STXBP4: variants seen among roughly 807,000 people sequenced by gnomAD.
STXBP4 encodes syntaxin-binding protein 4.
Under a neutral mutation model 76.1 loss-of-function variants are expected in STXBP4, and 55 were observed. That is an observed-to-expected ratio of 0.72 (90% CI 0.58 to 0.91). The LOEUF is 0.91. STXBP4 is among the 40% of genes least tolerant of loss of function. The pLI is 0.00. For missense variants in STXBP4, 618 were observed against 636.9 expected (o/e 0.97, Z 0.32); for synonymous variants, 201 against 220.2 (o/e 0.91, Z 0.77).
At chr17:55,125,079 C>T (rs748029292) in intron 16 of STXBP4, among the ~76,000 whole-genome samples, 1 of 152,170 alleles carries the variant, frequency 6.6e-6, no homozygotes, top group Non-Finnish European at 1.5e-5. Flanking sequence ...CAGAAACATT[C>T]AGTTTATACC....
At chr17:55,135,783 A>G (rs2080022066) in intron 16 of STXBP4, among the ~76,000 whole-genome samples, 1 of 152,170 alleles carries the variant, frequency 6.6e-6, no homozygotes, top group Admixed American at 6.6e-5. Flanking sequence ...TTAAATAATA[A>G]TGCACAAATA....
At chr17:55,034,363 C>T (rs1273168719) in intron 10 of STXBP4, 104 bp downstream of exon 10, 1 of 648,802 alleles carries the variant, frequency 1.5e-6, no homozygotes, top group Non-Finnish European at 2.4e-6. Context: ...AGAAATAATA[C>T]ATGTTTCTTG....
At chr17:54,980,079 T>C (rs2077527796) in intron 1 of STXBP4, among the ~76,000 whole-genome samples, 1 of 152,196 alleles carries the variant, frequency 6.6e-6, no homozygotes. Context: ...ACCAATATAT[T>C]ACAATTACAT....
At chr17:54,969,225 G>A (rs1021582700) in intron 1 of STXBP4, among the ~76,000 whole-genome samples, 1 of 152,212 alleles carries the variant, frequency 6.6e-6, no homozygotes, top group Non-Finnish European at 1.5e-5. Context: ...GGAGCAGGAG[G>A]GAGGCTGTCA....
intron 8 of STXBP4, among the ~76,000 whole-genome samples, chr17:55,022,157 A>G (rs1359668924): frequency 6.6e-6 from 1 of 151,970 alleles, no homozygotes; most frequent in Non-Finnish European, 1.5e-5. Flanking sequence ...TAAAATCCTG[A>G]AAGCTTTATA....
At chr17:55,053,997 CT>C (rs1053130815) in intron 12 of STXBP4, among the ~76,000 whole-genome samples, 3 of 151,902 alleles carry the variant, frequency 2.0e-5, no homozygotes, top group Admixed American at 1.3e-4. Context: ...CAGTTTTTTT[CT>C]TTTTCTAGCA....
rs545353102 is a variant in STXBP4, at chr17:55,159,644, C to CAT, written c.1548-153_1548-152insAT. ...GTTTTCATTGAAGCTTAAAATGTGT[C>CAT]TAAGACTTATTAAAGCTATTGGATC... On this transcript the variant is annotated intron_variant, in intron 17 of 17. Coordinates refer to ENST00000376352, the MANE Select transcript of STXBP4 (RefSeq NM_178509.6). 2.2e-4 allele frequency among the ~76,000 whole-genome samples: 34 copies of CAT among 152,316 alleles called. 1 individual carries two copies. In the East Asian group the frequency reaches 6.0e-3, roughly 27 times the overall value.
chr17:54,997,699 A>T (rs534897378), intron 4 of STXBP4, among the ~76,000 whole-genome samples: 1 of 148,292 alleles, frequency 6.7e-6, no homozygotes, highest in Non-Finnish European at 1.5e-5. Flanking sequence ...GGCTCAAGTG[A>T]TCCTCCCACT....
chr17:55,013,186 G>A (rs185174038), intron 8 of STXBP4, among the ~76,000 whole-genome samples: 36 of 152,306 alleles, frequency 2.4e-4, no homozygotes, highest in Non-Finnish European at 5.1e-4. Context: ...CCTTACTCAG[G>A]TATGCCATGG....
chr17:55,080,407 A>G (rs2079241100), intron 15 of STXBP4, among the ~76,000 whole-genome samples: 1 of 152,204 alleles, frequency 6.6e-6, no homozygotes, highest in Admixed American at 6.5e-5. Flanking sequence ...GCTTAGGAAG[A>G]TGGAGTATAA....
chr17:55,085,393 C>G (rs1240465188), intron 16 of STXBP4, among the ~76,000 whole-genome samples: 1 of 151,984 alleles, frequency 6.6e-6, no homozygotes, highest in African/African-American at 2.4e-5. Flanking sequence ...AAGTTAAATA[C>G]AAGTTAATTT....
At chr17:55,023,348 A>T (rs2078348705) in intron 8 of STXBP4, among the ~76,000 whole-genome samples, 1 of 152,222 alleles carries the variant, frequency 6.6e-6, no homozygotes, top group African/African-American at 2.4e-5. Flanking sequence ...AGATTTTGGA[A>T]TATTTGCATG....
chr17:55,131,613 C>G (rs1179168677), intron 16 of STXBP4, among the ~76,000 whole-genome samples: 1 of 152,252 alleles, frequency 6.6e-6, no homozygotes, highest in Non-Finnish European at 1.5e-5. Flanking sequence ...TGCTGGATAG[C>G]AACTTTACCA....
At chr17:55,157,830 C>G (rs2080297974) in intron 17 of STXBP4, among the ~76,000 whole-genome samples, 1 of 152,144 alleles carries the variant, frequency 6.6e-6, no homozygotes, top group Non-Finnish European at 1.5e-5. Flanking sequence ...GTATTGTAAT[C>G]AGTAGCCAAT....
At chr17:54,975,919 C>T (rs2077466855) in intron 1 of STXBP4, among the ~76,000 whole-genome samples, 1 of 152,190 alleles carries the variant, frequency 6.6e-6, no homozygotes, top group African/African-American at 2.4e-5. Flanking sequence ...GGGACACCCT[C>T]CCCAGTCTAA....
Position 55,030,325 on chromosome 17 carries a change from T to G in STXBP4, c.667-843T>G, listed in dbSNP as rs1039468282. Among the ~76,000 whole-genome samples, 3 of 152,274 alleles carry G rather than the reference T, an allele frequency of 2.0e-5. No homozygotes were observed. The South Asian group carries it at 6.2e-4, about 32-fold the overall frequency. On this transcript the variant is annotated intron_variant, in intron 8 of 17. Transcript: ENST00000376352. ...TTCTTTCCTTCCTTCCTTTCATCTTTTTTCTTCCTCTTTCTTTCCCCTTAC... is the reference window on the plus strand; with the variant it reads ...TTCTTTCCTTCCTTCCTTTCATCTTGTTTCTTCCTCTTTCTTTCCCCTTAC...
chr17:55,040,231 C>T (rs2144728040), intron 10 of STXBP4, among the ~76,000 whole-genome samples: 1 of 152,048 alleles, frequency 6.6e-6, no homozygotes, highest in Middle Eastern at 3.4e-3. Flanking sequence ...TTTTCTTTGT[C>T]AAGTAGCAGT....
At chr17:55,033,289 G>A (rs779884682) in intron 9 of STXBP4, among the ~76,000 whole-genome samples, 79 of 152,012 alleles carry the variant, frequency 5.2e-4, no homozygotes, top group Non-Finnish European at 1.1e-3. Flanking sequence ...CAAGAGAATC[G>A]CTTGAACCTG....
In STXBP4 at chr17:54,998,305, A is replaced by G. The variant is rs186736088; in HGVS notation, c.181-1040A>G. On this transcript the variant is annotated intron_variant, in intron 4 of 17. Coordinates refer to ENST00000376352, the MANE Select transcript of STXBP4 (RefSeq NM_178509.6). ...GGTGAAAATCTCCCTTTTTAACCAT[A>G]TAAGCTTTTTCTGTAGTTATAAAAA... Among the ~76,000 whole-genome samples the G allele has an allele frequency of 5.3e-3, 810 of 152,336 alleles. 7 individuals are homozygous for G. Among genetic ancestry groups the G allele is most frequent in the South Asian group, 0.015 (72 of 4,824 alleles).
Sources: allele counts gnomAD v4.1 joint callset (sites outside exome capture counted in the v4.1 genomes callset), GRCh38; gene constraint gnomAD v4.1.1; transcripts MANE v1.5; gene names NCBI Gene and HGNC (gene_info 2026-07-23, HGNC 2026-07-21).